LRSAM1: variants seen among roughly 807,000 people sequenced by gnomAD.
LRSAM1 encodes E3 ubiquitin-protein ligase LRSAM1.
A neutral mutation model predicts 118.1 loss-of-function variants in LRSAM1; 96 were observed. The ratio of observed to expected loss-of-function variants is 0.81; its 90% CI spans 0.69 to 0.96. LRSAM1 has a LOEUF of 0.96. Among genes scored for constraint, LRSAM1 ranks in the 40% least tolerant of loss-of-function variants. The probability of loss-of-function intolerance (pLI) is 0.00; values close to 1 mark genes in which losing one functional copy is unlikely to be tolerated. For missense variants in LRSAM1, 804 were observed against 915.5 expected (o/e 0.88, Z 1.57); for synonymous variants, 322 against 364.2 (o/e 0.88, Z 1.32).
chr9:127,482,153 T>C (rs892339565), intron 15 of LRSAM1, among the ~76,000 whole-genome samples: 1 of 149,000 alleles, frequency 6.7e-6, no homozygotes, highest in Non-Finnish European at 1.5e-5. Context: ...TTTTTTTTTT[T>C]TTTTTTTGAG....
Position 127,479,373 on chromosome 9 carries a change from T to C in LRSAM1, c.781-10T>C, listed in dbSNP as rs1835447023. The stretch of plus-strand genomic sequence containing the variant: ...CTGTGCTGACAGTCACCAGGATCTG[T>C]GTCTTGCAGGAACAGAAGATGCTGG... On this transcript the variant is annotated splice_polypyrimidine_tract_variant and intron_variant, in intron 12 of 25. Coordinates refer to ENST00000300417, the MANE Select transcript of LRSAM1 (RefSeq NM_001005373.4). 6.2e-7 allele frequency: 1 copy of C among 1,613,986 alleles called. No homozygotes were observed. Among genetic ancestry groups the C allele is most frequent in the South Asian group, 1.1e-5 (1 of 91,070 alleles).
intron 9 of LRSAM1, among the ~76,000 whole-genome samples, chr9:127,464,152 G>C (rs944232897): frequency 6.6e-6 from 1 of 152,242 alleles, no homozygotes; most frequent in Non-Finnish European, 1.5e-5. Flanking sequence ...GTCTGTGTCA[G>C]AGTGGGTGGG....
At chr9:127,483,060 CT>C (rs1464326158) in intron 16 of LRSAM1, 40 bp downstream of exon 16, 2 of 1,589,712 alleles carry the variant, frequency 1.3e-6, no homozygotes, top group East Asian at 4.5e-5. Context: ...ACGCTGCCTG[CT>C]GGCTGGGCTG....
chr9:127,487,882 G>A, intron 18 of LRSAM1, 119 bp downstream of exon 18: 2 of 885,504 alleles, frequency 2.3e-6, no homozygotes, highest in Non-Finnish European at 3.5e-6. Context: ...ACAGAGGTTT[G>A]TGACCATAGA....
intron 7 of LRSAM1, among the ~76,000 whole-genome samples, chr9:127,459,499 G>C (rs1420112807): frequency 6.6e-6 from 1 of 150,530 alleles, no homozygotes; most frequent in Non-Finnish European, 1.5e-5. Flanking sequence ...GATTACAGGT[G>C]TGAGCCACCA....
At chr9:127,470,414 A>C (rs890858811) in intron 10 of LRSAM1, among the ~76,000 whole-genome samples, 2 of 151,900 alleles carry the variant, frequency 1.3e-5, no homozygotes, top group African/African-American at 4.8e-5. Flanking sequence ...AGCATGGGGG[A>C]ACTGCTCCCA....
intron 11 of LRSAM1, among the ~76,000 whole-genome samples, chr9:127,476,314 C>A (rs764878406): frequency 5.3e-5 from 8 of 152,096 alleles, no homozygotes; most frequent in Non-Finnish European, 1.2e-4. Flanking sequence ...AGTCTATTTC[C>A]ATTCTTATGT....
chr9:127,467,403 T>G (rs1289167372), intron 9 of LRSAM1, among the ~76,000 whole-genome samples: 1 of 152,154 alleles, frequency 6.6e-6, no homozygotes, highest in Non-Finnish European at 1.5e-5. Flanking sequence ...AGTGCATTCC[T>G]GGATGTGCTT....
chr9:127,465,555 C>T lies in LRSAM1; in HGVS notation c.529-2185C>T, dbSNP rs576202058. Among the ~76,000 whole-genome samples, 1 of 152,314 alleles carries T rather than the reference C, an allele frequency of 6.6e-6. No individual in the cohort carries two copies. Among genetic ancestry groups the T allele is most frequent in the South Asian group, 2.1e-4 (1 of 4,826 alleles). On this transcript the variant is annotated intron_variant, in intron 9 of 25. Transcript: ENST00000300417. The surrounding 1 kb of genome is among the most constrained non-coding windows in gnomAD (Gnocchi z 4.1). ...GGTATGGGGTTTTCTGCTGTTGGGC[C>T]CTCAGCATCTGGGCGGTCAGTTCCT...
chr9:127,500,267 A>C (rs1836329917), intron 24 of LRSAM1, among the ~76,000 whole-genome samples: 1 of 148,732 alleles, frequency 6.7e-6, no homozygotes, highest in Non-Finnish European at 1.5e-5. Context: ...AGGCTGAGGA[A>C]GGAGAATTGC....
In LRSAM1 at chr9:127,479,371, T is replaced by C; in HGVS notation, c.781-12T>C. 6.2e-7 allele frequency: 1 copy of C among 1,614,122 alleles called. No individual in the cohort carries two copies. The highest frequency in any genetic ancestry group is 1.3e-5 in the African/African-American group (1 of 75,056). ...GCCTGTGCTGACAGTCACCAGGATC[T>C]GTGTCTTGCAGGAACAGAAGATGCT... On this transcript the variant is annotated splice_polypyrimidine_tract_variant and intron_variant, in intron 12 of 25. Transcript: ENST00000300417.
intron 2 of LRSAM1, among the ~76,000 whole-genome samples, chr9:127,454,177 G>A (rs1370184518): frequency 2.7e-5 from 4 of 147,316 alleles, no homozygotes; most frequent in Admixed American, 6.7e-5. Flanking sequence ...CCCTGCCTCC[G>A]TGAAACTCAC....
At chr9:127,480,836 G>A (rs1277193774) in intron 14 of LRSAM1, among the ~76,000 whole-genome samples, 1 of 151,674 alleles carries the variant, frequency 6.6e-6, no homozygotes, top group Non-Finnish European at 1.5e-5. Context: ...TACAGGCTTG[G>A]GCCACCACGC....
At chr9:127,497,394 TG>T in intron 24 of LRSAM1, 60 bp downstream of exon 24, 1 of 1,510,362 alleles carries the variant, frequency 6.6e-7, no homozygotes, top group Non-Finnish European at 9.1e-7. Flanking sequence ...TGGGCTCTGG[TG>T]GGGACAGTCA....
At chr9:127,479,690 A>C in intron 13 of LRSAM1, 149 bp from the exon 14 acceptor site, 1 of 1,307,540 alleles carries the variant, frequency 7.6e-7, no homozygotes, top group Non-Finnish European at 1.1e-6. Context: ...GCAGATGGAC[A>C]CTGTAGCCTA....
intron 19 of LRSAM1, 98 bp from the exon 20 acceptor site, chr9:127,491,117 A>G: frequency 4.1e-6 from 4 of 982,412 alleles, no homozygotes; most frequent in South Asian, 3.9e-5. Flanking sequence ...CTCCCCAGAA[A>G]GGCTTCTTAG....
chr9:127,457,968 C>CTTT lies in LRSAM1; in HGVS notation c.252+587_252+589dup, dbSNP rs147717838. ...TGTGTTCACTACAGATGCTTTCTTT[C>CTTT]TTTTTTTTTTTTTTAATATTTTGCA... On this transcript the variant is annotated intron_variant, in intron 6 of 25. Coordinates refer to ENST00000300417, the MANE Select transcript of LRSAM1 (RefSeq NM_001005373.4). 6.2e-5 allele frequency among the ~76,000 whole-genome samples: 9 copies of CTTT among 144,822 alleles called. 1 individual carries two copies. The highest frequency in any genetic ancestry group is 6.1e-4 in the East Asian group (3 of 4,918).
chr9:127,463,782 G>C (rs1210833638), intron 9 of LRSAM1, among the ~76,000 whole-genome samples: 1 of 152,208 alleles, frequency 6.6e-6, no homozygotes, highest in South Asian at 2.1e-4. Context: ...AGCTCTCACA[G>C]TCATGCTAAT....
In LRSAM1 at chr9:127,459,045, G is replaced by A. The variant is rs1834636485; in HGVS notation, c.295G>A (p.Asp99Asn). Reference sequence around the variant, plus strand: ...TAATCAGCTGACAGCCCTTCCTGACGATCTGGGGCAGCTGACTGCCCTCCA... The same window carrying A: ...TAATCAGCTGACAGCCCTTCCTGACAATCTGGGGCAGCTGACTGCCCTCCA... ...HDNQLTALPD[D>N]LGQLTALQVL... The change falls in exon 7 of 26, where the codon GAT (aspartate) becomes AAT (asparagine). Residue 99 changes from aspartate to asparagine, a missense_variant. Physicochemically the swap from Asp to Asn is conservative, Grantham distance 23 (BLOSUM62 1). Coordinates refer to ENST00000300417, the MANE Select transcript of LRSAM1 (RefSeq NM_001005373.4). 3.1e-6 allele frequency: 5 copies of A among 1,613,616 alleles called. No individual in the cohort carries two copies. The highest frequency in any genetic ancestry group is 3.3e-5 in the Admixed American group (2 of 60,002).
Sources: gnomAD v4.1 joint callset for allele counts (sites outside exome capture counted in the v4.1 genomes callset) on GRCh38, gnomAD v4.1.1 for gene constraint, Gnocchi (gnomAD v3.1) non-coding constraint, MANE v1.5 for transcripts, NCBI Gene and HGNC (gene_info 2026-07-23, HGNC 2026-07-21) for gene names.